The following INIP variants were observed in gnomAD, a reference collection of about 807,000 sequenced individuals.
INIP encodes SOSS complex subunit C.
In INIP, 9 loss-of-function variants were observed where a neutral mutation model predicts 14.0. The ratio of observed to expected loss-of-function variants is 0.64; its 90% CI spans 0.39 to 1.12. The LOEUF is 1.12. Ranked by LOEUF, INIP falls within the 50% of genes most tolerant of loss-of-function variation. The pLI is 0.01. For synonymous variants in INIP, 37 were observed against 41.5 expected (o/e 0.89, Z 0.41); for missense variants, 78 against 122.7 (o/e 0.64, Z 1.72).
intron 2 of INIP, among the ~76,000 whole-genome samples, chr9:112,714,816 T>C (rs1463131556): frequency 6.6e-6 from 1 of 152,176 alleles, no homozygotes; most frequent in Non-Finnish European, 1.5e-5. Flanking sequence ...AGAAATTCAT[T>C]GTTAGGTGAT....
intron 4 of INIP, among the ~76,000 whole-genome samples, chr9:112,689,116 G>A (rs554594915): frequency 2.6e-5 from 4 of 151,598 alleles, no homozygotes; most frequent in Admixed American, 1.3e-4. Context: ...CAACAGTTGT[G>A]CTGAGCATTT....
rs112787611 is a variant in INIP at position 112,696,062 on chromosome 9, A to AT, written c.26-1830dup. 8.8e-4 allele frequency among the ~76,000 whole-genome samples: 128 copies of AT among 146,088 alleles called. 1 individual carries two copies. Among genetic ancestry groups the AT allele is most frequent in the Middle Eastern group, 7.0e-3 (2 of 284 alleles). Reference sequence around the variant, plus strand: ...GCCAGCATGCCCTACTAATTTTTGTATTTTTTTTTTGTAGAGACAGGATTT... The same window carrying AT: ...GCCAGCATGCCCTACTAATTTTTGTATTTTTTTTTTTGTAGAGACAGGATTT... On this transcript the variant is annotated intron_variant, in intron 2 of 4. Coordinates refer to ENST00000374242, the MANE Select transcript of INIP (RefSeq NM_021218.3).
intron 2 of INIP, among the ~76,000 whole-genome samples, chr9:112,695,255 G>GAAAAAAAAAAAAAAAA (rs60657759): frequency 6.0e-4 from 39 of 64,600 alleles, no homozygotes; most frequent in East Asian, 1.0e-3. Flanking sequence ...CAGAACTACA[G>GAAAAAAAAAAAAAAAA]AAAAAAAAAA....
At chr9:112,706,950 C>T (rs980750280) in intron 2 of INIP, among the ~76,000 whole-genome samples, 4 of 151,892 alleles carry the variant, frequency 2.6e-5, no homozygotes, top group African/African-American at 4.8e-5. Flanking sequence ...TCACTCATGT[C>T]GCCCAGGCTG....
chr9:112,715,047 CTATTT>C (rs1431831989), intron 2 of INIP, among the ~76,000 whole-genome samples: 1 of 151,512 alleles, frequency 6.6e-6, no homozygotes. Flanking sequence ...AACACTTATT[CTATTT>C]TATGAAATGA....
intron 2 of INIP, among the ~76,000 whole-genome samples, chr9:112,696,629 C>T (rs1388853216): frequency 2.0e-5 from 3 of 152,156 alleles, no homozygotes; most frequent in South Asian, 2.1e-4. Context: ...CCACTTCAGA[C>T]GCCAATGGCA....
intron 2 of INIP, among the ~76,000 whole-genome samples, chr9:112,703,416 C>T (rs1405167241): frequency 6.6e-6 from 1 of 152,180 alleles, no homozygotes; most frequent in African/African-American, 2.4e-5. Flanking sequence ...TAATACTATT[C>T]TCCATTAAGA....
rs952030881 is a variant in INIP, at chr9:112,685,871, G to T, written c.*1667C>A. The T allele has an allele frequency of 6.6e-6, 1 of 152,180 alleles. No homozygotes were observed. The highest frequency in any genetic ancestry group is 1.5e-5 in the Non-Finnish European group (1 of 68,042). The allele number at this position is 152,180 out of a possible 1,614,324, so 9.4% of individuals were successfully genotyped here. ...AATGGTGACCATTACAATGGGGACA[G>T]TTGCCACCTCATCAAAATGAAGGAA... On this transcript the variant is annotated 3_prime_UTR_variant, in exon 5 of 5. Transcript: ENST00000374242.
At position 112,685,681 on chromosome 9, in the gene INIP, G is replaced by C. The variant is rs78931835; in HGVS notation, c.*1857C>G. ...TAGAGACAGATTTAGAACCATGTCA[G>C]TTATGTTGCAGATGACAGAGAACAG... On this transcript the variant is annotated 3_prime_UTR_variant, in exon 5 of 5. Coordinates refer to ENST00000374242, the MANE Select transcript of INIP (RefSeq NM_021218.3). 19 of 152,184 alleles carry C rather than the reference G, an allele frequency of 1.2e-4. No individual in the cohort carries two copies. Among genetic ancestry groups the C allele is most frequent in the Admixed American group, 1.2e-3 (19 of 15,286 alleles). The allele number at this position is 152,184 out of a possible 1,614,324, so 9.4% of individuals were successfully genotyped here.
chr9:112,716,580 T>C, intron 1 of INIP, 39 bp from the exon 2 acceptor site: 1 of 1,030,966 alleles, frequency 9.7e-7, no homozygotes, highest in Middle Eastern at 2.1e-4. Context: ...ATGCACCATA[T>C]TTTAATCACA....
intron 2 of INIP, among the ~76,000 whole-genome samples, chr9:112,715,670 G>C (rs560327005): frequency 2.0e-5 from 3 of 152,028 alleles, no homozygotes; most frequent in Non-Finnish European, 2.9e-5. Context: ...CTACTCGGGA[G>C]GTTGAGGCAG....
rs570872993 is a variant in INIP, at chr9:112,684,088, C to G, written c.*3450G>C. The G allele has an allele frequency of 3.9e-5, 6 of 152,230 alleles. No individual in the cohort carries two copies. The South Asian group carries it at 1.2e-3, about 32-fold the overall frequency. 9.4% of individuals were successfully genotyped at this position (152,230 alleles called of 1,614,324 possible). On this transcript the variant is annotated 3_prime_UTR_variant, in exon 5 of 5. Coordinates refer to ENST00000374242, the MANE Select transcript of INIP (RefSeq NM_021218.3). ...AAGTCTATAAATTCTTTCATTCCTT[C>G]AACATATTGAACACCTACTATATGC...
intron 2 of INIP, among the ~76,000 whole-genome samples, chr9:112,711,309 C>G (rs1838642631): frequency 6.6e-6 from 1 of 152,118 alleles, no homozygotes; most frequent in Admixed American, 6.6e-5. Context: ...GCAGCAGTTC[C>G]ATGACATCAA....
intron 2 of INIP, among the ~76,000 whole-genome samples, chr9:112,695,466 G>T (rs1297857634): frequency 2.0e-5 from 3 of 151,952 alleles, no homozygotes; most frequent in Non-Finnish European, 2.9e-5. Flanking sequence ...TCCTCTCCTT[G>T]GGAGAGGAGC....
chr9:112,690,541 T>A (rs966844092), intron 3 of INIP, among the ~76,000 whole-genome samples: 1 of 152,214 alleles, frequency 6.6e-6, no homozygotes, highest in Non-Finnish European at 1.5e-5. Flanking sequence ...ACAGTGTTGG[T>A]CACCTCCTCA....
chr9:112,694,235 TAAA>T lies in INIP; in HGVS notation c.26-5_26-3del. 1 of 1,555,390 alleles carries T rather than the reference TAAA, an allele frequency of 6.4e-7. No individual in the cohort carries two copies. Among genetic ancestry groups the T allele is most frequent in the Non-Finnish European group, 8.8e-7 (1 of 1,134,706 alleles). ...CAACTCTATTTTTGTTTTGAAAACC[TAAA>T]AAAAAGAGGGGAATAGGAGAAAAGG... is the stretch of plus-strand genomic sequence containing the variant. On this transcript the variant is annotated splice_polypyrimidine_tract_variant and splice_region_variant and intron_variant, in intron 2 of 4. Transcript: ENST00000374242.
chr9:112,691,901 T>G (rs533383053), intron 3 of INIP, among the ~76,000 whole-genome samples: 6 of 152,194 alleles, frequency 3.9e-5, no homozygotes, highest in African/African-American at 1.4e-4. Context: ...TCCCAGCTAC[T>G]TGGGAGGCTG....
chr9:112,705,824 G>C (rs540807952), intron 2 of INIP, among the ~76,000 whole-genome samples: 132 of 152,184 alleles, frequency 8.7e-4, no homozygotes, highest in Non-Finnish European at 1.6e-3. Flanking sequence ...AGCAGTGAAA[G>C]AAGCAGCTGG....
chr9:112,685,318 A>ATAAC lies in INIP; in HGVS notation c.*2216_*2219dup, dbSNP rs1837622705. The ATAAC allele has an allele frequency of 6.7e-6, 1 of 150,250 alleles. No homozygotes were observed. The highest frequency in any genetic ancestry group is 2.1e-4 in the South Asian group (1 of 4,760). The allele number at this position is 150,250 out of a possible 1,614,324, so 9.3% of individuals were successfully genotyped here. On this transcript the variant is annotated 3_prime_UTR_variant, in exon 5 of 5. Coordinates refer to ENST00000374242, the MANE Select transcript of INIP (RefSeq NM_021218.3). The stretch of plus-strand genomic sequence containing the variant: ...TGTTGCCTAGGCTGTGGCTTGCTTT[A>ATAAC]TAACTATTGGTGTACCAGAATAGGA...
Sources: allele counts gnomAD v4.1 joint callset (sites outside exome capture counted in the v4.1 genomes callset), GRCh38; gene constraint gnomAD v4.1.1; transcripts MANE v1.5; gene names NCBI Gene and HGNC (gene_info 2026-07-23, HGNC 2026-07-21).